NBEA: variants seen among roughly 807,000 people sequenced by gnomAD.
NBEA encodes the protein lysosomal-trafficking regulator 2.
A neutral mutation model predicts 343.4 loss-of-function variants in NBEA; 44 were observed. The ratio of observed to expected loss-of-function variants is 0.13; its 90% CI spans 0.10 to 0.16. The LOEUF is 0.16. Ranked by LOEUF, NBEA falls within the 10% of genes least tolerant of loss-of-function variation. The pLI, the probability that NBEA is intolerant of heterozygous loss-of-function variation, is 1.00. For synonymous variants in NBEA, 1,175 were observed against 1,238.7 expected (o/e 0.95, Z 1.08); for missense variants, 2,555 against 3,631.3 (o/e 0.70, Z 7.62).
At chr13:35,425,241 G>C (rs1366156982) in intron 38 of NBEA, among the ~76,000 whole-genome samples, 1 of 151,804 alleles carries the variant, frequency 6.6e-6, no homozygotes, top group Non-Finnish European at 1.5e-5. Flanking sequence ...GTGATGTTAG[G>C]GTGTCAATTT....
rs373785647 is a variant in NBEA, at chr13:35,135,405, G to T, written c.2337-6864G>T. On this transcript the variant is annotated intron_variant, in intron 17 of 58. Coordinates refer to ENST00000379939, the MANE Select transcript of NBEA (RefSeq NM_001385012.1). ...ATAATATATACAATGATAGCCAAAGGAAATTGGAAATGTAAATACAATTAT... is the reference window on the plus strand; with the variant it reads ...ATAATATATACAATGATAGCCAAAGTAAATTGGAAATGTAAATACAATTAT... 4.6e-5 allele frequency among the ~76,000 whole-genome samples: 7 copies of T among 151,976 alleles called. No homozygotes were observed. The East Asian group carries it at 1.2e-3, about 25-fold the overall frequency.
chr13:35,237,634 A>G (rs898965222), intron 34 of NBEA, among the ~76,000 whole-genome samples: 4 of 152,194 alleles, frequency 2.6e-5, no homozygotes, highest in Non-Finnish European at 4.4e-5. Context: ...CTGCATTTCA[A>G]TTTACCATAT....
intron 1 of NBEA, among the ~76,000 whole-genome samples, chr13:34,970,857 C>T (rs2059976115): frequency 6.6e-6 from 1 of 152,124 alleles, no homozygotes; most frequent in African/African-American, 2.4e-5. Context: ...GCTATTCAGG[C>T]TCTTTTTTGG....
chr13:35,403,245 G>A (rs534397527), intron 38 of NBEA, among the ~76,000 whole-genome samples: 108 of 152,028 alleles, frequency 7.1e-4, no homozygotes, highest in South Asian at 3.7e-3. Flanking sequence ...AGTTATTAAT[G>A]TTAATATGAT....
chr13:35,425,726 T>G (rs1056351819), intron 38 of NBEA, among the ~76,000 whole-genome samples: 1 of 152,214 alleles, frequency 6.6e-6, no homozygotes, highest in East Asian at 1.9e-4. Flanking sequence ...CTCATTGATC[T>G]GTCTAATGTT....
intron 38 of NBEA, among the ~76,000 whole-genome samples, chr13:35,361,825 A>T (rs1196118863): frequency 6.6e-6 from 1 of 152,000 alleles, no homozygotes; most frequent in Non-Finnish European, 1.5e-5. Flanking sequence ...AAGCAACCTA[A>T]ATATTTTAAC....
intron 36 of NBEA, among the ~76,000 whole-genome samples, chr13:35,336,449 G>A (rs2039267296): frequency 6.6e-6 from 1 of 152,046 alleles, no homozygotes; most frequent in Non-Finnish European, 1.5e-5. Flanking sequence ...TTCAGCTATT[G>A]CGGAAAGTAG....
intron 41 of NBEA, among the ~76,000 whole-genome samples, chr13:35,487,988 T>A (rs2076364322): frequency 6.6e-6 from 1 of 151,880 alleles, no homozygotes; most frequent in Non-Finnish European, 1.5e-5. Context: ...GGCATATCCA[T>A]ACCCACGCAG....
chr13:35,349,844 TGTGA>T (rs1330402619), intron 37 of NBEA, among the ~76,000 whole-genome samples: 2 of 152,072 alleles, frequency 1.3e-5, no homozygotes, highest in African/African-American at 4.8e-5. Flanking sequence ...AAAGCAGCTC[TGTGA>T]GTCATACAAG....
chr13:35,170,478 A>G (rs2070377843), intron 25 of NBEA, among the ~76,000 whole-genome samples: 1 of 151,904 alleles, frequency 6.6e-6, no homozygotes, highest in African/African-American at 2.4e-5. Context: ...TGTATAGTCC[A>G]TGGTGCAAAA....
chr13:34,954,237 T>C (rs1458450482), intron 1 of NBEA, among the ~76,000 whole-genome samples: 2 of 152,174 alleles, frequency 1.3e-5, no homozygotes, highest in East Asian at 1.9e-4. Flanking sequence ...CTATGGATTT[T>C]GGTAACCACA....
intron 41 of NBEA, among the ~76,000 whole-genome samples, chr13:35,544,433 A>G (rs1033900578): frequency 1.3e-5 from 2 of 152,218 alleles, no homozygotes; most frequent in South Asian, 4.1e-4. Context: ...AACTTTTTTC[A>G]TCTGTGATTT....
chr13:34,983,933 G>A (rs889944411), intron 1 of NBEA, among the ~76,000 whole-genome samples: 15 of 152,004 alleles, frequency 9.9e-5, no homozygotes, highest in African/African-American at 3.4e-4. Context: ...TTGTCAGATG[G>A]GTAGATTGCA....
In NBEA at chr13:35,593,172, A is replaced by G. The variant is rs1593312634; in HGVS notation, c.7177-156A>G. ...GCTGCCTTGGCCTAGTCAAGCCCAGACAGGCATCTCCTACTGCCTTAATTT... is the reference window on the plus strand; with the variant it reads ...GCTGCCTTGGCCTAGTCAAGCCCAGGCAGGCATCTCCTACTGCCTTAATTT... On this transcript the variant is annotated intron_variant, in intron 46 of 58. Coordinates refer to ENST00000379939, the MANE Select transcript of NBEA (RefSeq NM_001385012.1). The G allele has an allele frequency of 4.6e-6, 3 of 652,678 alleles. No homozygotes were observed. The East Asian group carries it at 9.6e-5, about 21-fold the overall frequency. 40.4% of individuals were successfully genotyped at this position (652,678 alleles called of 1,614,324 possible). A position where few individuals can be genotyped will look rare whatever the true frequency, so the allele number is the denominator to read the frequency against.
At chr13:35,424,498 C>T (rs1034113170) in intron 38 of NBEA, among the ~76,000 whole-genome samples, 8 of 152,268 alleles carry the variant, frequency 5.3e-5, no homozygotes, top group Non-Finnish European at 8.8e-5. Flanking sequence ...AGGGATGAAG[C>T]GCACTTGATC....
chr13:35,400,937 C>T (rs1454400025), intron 38 of NBEA, among the ~76,000 whole-genome samples: 1 of 151,794 alleles, frequency 6.6e-6, no homozygotes, highest in Non-Finnish European at 1.5e-5. Flanking sequence ...CTGCTTTCCT[C>T]GTCCACATGG....
intron 41 of NBEA, among the ~76,000 whole-genome samples, chr13:35,513,016 G>GT (rs577660752): frequency 9.2e-5 from 14 of 151,986 alleles, no homozygotes; most frequent in Admixed American, 2.0e-4. Context: ...TACTATACAG[G>GT]TTTTTTTAAA....
At chr13:35,322,662 G>A (rs1023900600) in intron 36 of NBEA, among the ~76,000 whole-genome samples, 11 of 152,062 alleles carry the variant, frequency 7.2e-5, no homozygotes, top group African/African-American at 1.9e-4. Flanking sequence ...AGTTTCATAC[G>A]TGAAACATGA....
chr13:35,000,808 A>G (rs1454671328), intron 1 of NBEA, among the ~76,000 whole-genome samples: 3 of 149,998 alleles, frequency 2.0e-5, no homozygotes. Flanking sequence ...AAAAACCTAA[A>G]GAAGTTTAAG....
Sources: gnomAD v4.1 joint callset for allele counts (sites outside exome capture counted in the v4.1 genomes callset) on GRCh38, gnomAD v4.1.1 for gene constraint, MANE v1.5 for transcripts, NCBI Gene and HGNC (gene_info 2026-07-23, HGNC 2026-07-21) for gene names.